The following ERI3 variants were observed in gnomAD, a reference collection of about 807,000 sequenced individuals.
The protein encoded by ERI3 is ERI1 exoribonuclease family member 3.
ERI3 carries 18 observed loss-of-function variants against 44.4 expected under a neutral mutation model. The ratio of observed to expected loss-of-function variants is 0.41; its 90% CI spans 0.28 to 0.60. ERI3 has a LOEUF of 0.60. ERI3 is among the 20% of genes least tolerant of loss of function. The pLI, the probability that ERI3 is intolerant of heterozygous loss-of-function variation, is 0.36. For synonymous variants in ERI3, 183 were observed against 164.8 expected (o/e 1.11, Z -0.84); for missense variants, 294 against 435.5 (o/e 0.68, Z 2.89).
At chr1:44,269,661 C>T (rs905689465) in intron 7 of ERI3, among the ~76,000 whole-genome samples, 11 of 152,334 alleles carry the variant, frequency 7.2e-5, no homozygotes, top group African/African-American at 2.4e-4. Flanking sequence ...CATTCACTGA[C>T]TTTCATTGAA....
chr1:44,224,015 C>T (rs1643971016), intron 8 of ERI3, among the ~76,000 whole-genome samples: 1 of 152,342 alleles, frequency 6.6e-6, no homozygotes, highest in Admixed American at 6.5e-5. Context: ...TGTTCTCCAT[C>T]CCAGTGAATG....
intron 7 of ERI3, among the ~76,000 whole-genome samples, chr1:44,262,390 G>A (rs184288601): frequency 1.3e-3 from 204 of 152,258 alleles, no homozygotes; most frequent in Middle Eastern, 6.8e-3. Context: ...TTCCTTCTCC[G>A]GGCTCTGGAA....
At chr1:44,287,140 G>A in intron 6 of ERI3, among the ~76,000 whole-genome samples, 1 of 152,224 alleles carries the variant, frequency 6.6e-6, no homozygotes, top group East Asian at 1.9e-4. Flanking sequence ...GAGTGGTCAA[G>A]CAAGATGACA....
At chr1:44,310,951 T>TTG (rs1553195164) in intron 5 of ERI3, among the ~76,000 whole-genome samples, 8 of 95,054 alleles carry the variant, frequency 8.4e-5, no homozygotes, top group South Asian at 4.3e-4. Context: ...TATGTGCACA[T>TTG]CGCGCGCGCG....
intron 8 of ERI3, among the ~76,000 whole-genome samples, chr1:44,245,799 G>A (rs1644543683): frequency 6.6e-6 from 1 of 152,078 alleles, no homozygotes; most frequent in African/African-American, 2.4e-5. Context: ...ATGATAGAAG[G>A]GGCACCCAGA....
At chr1:44,249,620 C>G (rs1423381534) in intron 7 of ERI3, among the ~76,000 whole-genome samples, 1 of 152,204 alleles carries the variant, frequency 6.6e-6, no homozygotes, top group Non-Finnish European at 1.5e-5. Context: ...CCAGCCTTCC[C>G]CCACCCTTTC....
rs1553182501 is a variant in ERI3, at chr1:44,241,848, A to ATACAT, written c.931+6090_931+6091insATGTA. ...CATACATACATACATACATACATAC[A>ATACAT]TACAGGAGAACCTTCTTCCATCCAT... is the stretch of plus-strand genomic sequence containing the variant. On this transcript the variant is annotated intron_variant, in intron 8 of 8. Coordinates refer to ENST00000372257, the MANE Select transcript of ERI3 (RefSeq NM_024066.3). This position sits in a 1 kb window ranked among gnomAD's most constrained non-coding sequence, Gnocchi z 5.6. 2.0e-6 allele frequency: 1 copy of ATACAT among 493,052 alleles called. No homozygotes were observed. Among genetic ancestry groups the ATACAT allele is most frequent in the African/African-American group, 2.1e-5 (1 of 47,552 alleles). The allele number at this position is 493,052 out of a possible 1,614,324, so 30.5% of individuals were successfully genotyped here.
At chr1:44,326,140 G>C (rs909712206) in intron 3 of ERI3, among the ~76,000 whole-genome samples, 1 of 152,116 alleles carries the variant, frequency 6.6e-6, no homozygotes, top group Non-Finnish European at 1.5e-5. Context: ...TTCAACCCTC[G>C]GAAGAAAATT....
At chr1:44,326,394 A>G (rs190212412) in intron 3 of ERI3, among the ~76,000 whole-genome samples, 4 of 152,330 alleles carry the variant, frequency 2.6e-5, no homozygotes, top group African/African-American at 7.2e-5. Context: ...ATGGTTTGCA[A>G]TAACAGTTTC....
chr1:44,261,288 G>A (rs1430136444), intron 7 of ERI3, among the ~76,000 whole-genome samples: 2 of 152,270 alleles, frequency 1.3e-5, no homozygotes, highest in Non-Finnish European at 2.9e-5. Context: ...GGCGCACAGC[G>A]CGGAGGAAGG....
intron 1 of ERI3, chr1:44,353,497 C>T (rs1364570427): frequency 2.0e-6 from 2 of 985,222 alleles, no homozygotes; most frequent in Non-Finnish European, 1.2e-6. Flanking sequence ...GCAGAGATGC[C>T]CCTGTTAGTG....
intron 2 of ERI3, among the ~76,000 whole-genome samples, chr1:44,339,953 G>C (rs182814245): frequency 6.6e-6 from 1 of 152,276 alleles, no homozygotes; most frequent in African/African-American, 2.4e-5. Context: ...GTGGCACCCT[G>C]GGGGAATGAA....
chr1:44,230,579 T>A (rs1644158746), intron 8 of ERI3: 1 of 152,304 alleles, frequency 6.6e-6, no homozygotes, highest in African/African-American at 2.4e-5. Flanking sequence ...ACAGAGAGGT[T>A]ATGCCACTTG....
intron 7 of ERI3, among the ~76,000 whole-genome samples, chr1:44,281,620 A>ATAAT (rs1033322874): frequency 7.1e-6 from 1 of 141,478 alleles, no homozygotes; most frequent in Non-Finnish European, 1.5e-5. Flanking sequence ...ATATATATAT[A>ATAAT]ATATATATAT....
chr1:44,223,088 C>A (rs2154314778), intron 8 of ERI3, among the ~76,000 whole-genome samples: 1 of 152,312 alleles, frequency 6.6e-6, no homozygotes, highest in East Asian at 1.9e-4. Flanking sequence ...CATGGACGCA[C>A]CTGCAGTGGA....
At chr1:44,265,910 T>C (rs1451682855) in intron 7 of ERI3, among the ~76,000 whole-genome samples, 2 of 152,236 alleles carry the variant, frequency 1.3e-5, no homozygotes, top group African/African-American at 4.8e-5. Context: ...TAATGGAGTT[T>C]CTTTTAGTGG....
At chr1:44,276,107 G>C (rs1260717653) in intron 7 of ERI3, among the ~76,000 whole-genome samples, 18 of 152,168 alleles carry the variant, frequency 1.2e-4, no homozygotes, top group Admixed American at 1.2e-3. Context: ...CAGCTCTCTT[G>C]GGAATGAATA....
intron 6 of ERI3, among the ~76,000 whole-genome samples, chr1:44,291,515 C>T (rs1190250494): frequency 2.6e-5 from 4 of 152,172 alleles, no homozygotes; most frequent in African/African-American, 4.8e-5. Context: ...ATTTGTAAAG[C>T]ATGTTACCCT....
chr1:44,350,415 C>T (rs773521388), intron 2 of ERI3, among the ~76,000 whole-genome samples: 3 of 152,060 alleles, frequency 2.0e-5, no homozygotes, highest in Non-Finnish European at 2.9e-5. Flanking sequence ...GCACATGCCA[C>T]CACACCCAGC....
Sources: gnomAD v4.1 joint callset for allele counts (sites outside exome capture counted in the v4.1 genomes callset) on GRCh38, gnomAD v4.1.1 for gene constraint, Gnocchi (gnomAD v3.1) non-coding constraint, MANE v1.5 for transcripts, NCBI Gene and HGNC (gene_info 2026-07-23, HGNC 2026-07-21) for gene names.